The following EEF1AKMT1 variants were observed in gnomAD, a reference collection of about 807,000 sequenced individuals.
The protein encoded by EEF1AKMT1 is N-6 adenine-specific DNA methyltransferase 2 (putative).
Under a neutral mutation model 21.0 loss-of-function variants are expected in EEF1AKMT1, and 18 were observed. The ratio of observed to expected loss-of-function variants is 0.86; its 90% CI spans 0.59 to 1.27. The LOEUF (loss-of-function observed/expected upper bound fraction) is 1.27, where lower values mean the gene tolerates loss of function less well. EEF1AKMT1 is among the 50% of genes most tolerant of loss of function. EEF1AKMT1 has a pLI of 0.00. For synonymous variants in EEF1AKMT1, 109 were observed against 94.8 expected, an observed-to-expected ratio of 1.15 and a Z score of -0.87; for missense variants, 246 against 258.6, an observed-to-expected ratio of 0.95 and a Z score of 0.33.
chr13:20,765,444 A>T (rs2059025376), intron 1 of EEF1AKMT1, among the ~76,000 whole-genome samples: 5 of 71,154 alleles, frequency 7.0e-5, no homozygotes, highest in African/African-American at 1.1e-4. Flanking sequence ...ATAGAGTTTC[A>T]CTCTTTCGCC....
chr13:20,754,542 A>G (rs920551132), intron 2 of EEF1AKMT1, among the ~76,000 whole-genome samples: 4 of 152,086 alleles, frequency 2.6e-5, no homozygotes, highest in African/African-American at 9.7e-5. Context: ...TAGACTTGGG[A>G]AGTTTTCAGC....
intron 1 of EEF1AKMT1, among the ~76,000 whole-genome samples, chr13:20,771,086 G>A (rs1433039090): frequency 6.6e-6 from 1 of 151,950 alleles, no homozygotes; most frequent in Admixed American, 6.6e-5. Context: ...TGCCCAGGCT[G>A]GTCCTGAACT....
At chr13:20,750,201 C>T (rs2058933031) in intron 2 of EEF1AKMT1, among the ~76,000 whole-genome samples, 1 of 152,132 alleles carries the variant, frequency 6.6e-6, no homozygotes, top group Admixed American at 6.6e-5. Flanking sequence ...CTGTTGGGAA[C>T]ATTTCAAGTC....
chr13:20,768,231 T>A (rs893679262), intron 1 of EEF1AKMT1, among the ~76,000 whole-genome samples: 1 of 152,238 alleles, frequency 6.6e-6, no homozygotes, highest in South Asian at 2.1e-4. Flanking sequence ...TGTATTCCTA[T>A]GTAAGTATTC....
chr13:20,731,284 A>G lies in EEF1AKMT1; in HGVS notation c.508+557T>C, dbSNP rs2818986. On this transcript the variant is annotated intron_variant, in intron 4 of 4. Coordinates refer to ENST00000382758, the MANE Select transcript of EEF1AKMT1 (RefSeq NM_001318939.2). ...ACCTTGAAGTTCTCAGATTTACTCT[A>G]TTGAATTTTACCATATCTGCCTTAA... 8.4e-3 allele frequency among the ~76,000 whole-genome samples: 1,284 copies of G among 152,154 alleles called. 21 individuals carry two copies. Among genetic ancestry groups the G allele is most frequent in the African/African-American group, 0.03 (1,228 of 41,504 alleles).
At chr13:20,753,209 G>A (rs2058952613) in intron 2 of EEF1AKMT1, among the ~76,000 whole-genome samples, 1 of 152,048 alleles carries the variant, frequency 6.6e-6, no homozygotes, top group African/African-American at 2.4e-5. Context: ...TGATCATTCA[G>A]GAGCATATTT....
intron 1 of EEF1AKMT1, among the ~76,000 whole-genome samples, chr13:20,761,438 A>T (rs1195726778): frequency 6.6e-6 from 1 of 152,242 alleles, no homozygotes; most frequent in Non-Finnish European, 1.5e-5. Context: ...AGTAATCCAT[A>T]GTATGGCCAC....
intron 2 of EEF1AKMT1, among the ~76,000 whole-genome samples, chr13:20,742,698 G>A (rs59112411): frequency 0.07 from 10,706 of 152,138 alleles, 1,112 homozygotes; most frequent in African/African-American, 0.22. Context: ...AACACCTAAC[G>A]CAAGCCAAAC....
At chr13:20,731,538 A>T (rs1355553940) in intron 4 of EEF1AKMT1, among the ~76,000 whole-genome samples, 1 of 152,242 alleles carries the variant, frequency 6.6e-6, no homozygotes. Context: ...GATAAAGGGT[A>T]GAGGCTGGAT....
chr13:20,732,317 G>A (rs1287210723), intron 3 of EEF1AKMT1, among the ~76,000 whole-genome samples, 196 bp from the exon 4 acceptor site: 1 of 152,148 alleles, frequency 6.6e-6, no homozygotes, highest in Non-Finnish European at 1.5e-5. Flanking sequence ...GTACTTAAAA[G>A]TCTGTAACTT....
intron 1 of EEF1AKMT1, among the ~76,000 whole-genome samples, chr13:20,764,732 T>C (rs2059018326): frequency 6.6e-6 from 1 of 152,186 alleles, no homozygotes; most frequent in Non-Finnish European, 1.5e-5. Context: ...TCTTGATGAA[T>C]TCACTCTTTT....
intron 2 of EEF1AKMT1, among the ~76,000 whole-genome samples, chr13:20,756,629 A>G (rs1343322027): frequency 1.3e-5 from 2 of 152,186 alleles, no homozygotes; most frequent in African/African-American, 4.8e-5. Flanking sequence ...GGTCCCCAGT[A>G]AAACCCCGCC....
chr13:20,772,901 T>TA (rs2059069392), intron 1 of EEF1AKMT1, among the ~76,000 whole-genome samples: 1 of 152,158 alleles, frequency 6.6e-6, no homozygotes, highest in Non-Finnish European at 1.5e-5. Context: ...GAAATTAGGT[T>TA]AAGATAGTGT....
intron 2 of EEF1AKMT1, among the ~76,000 whole-genome samples, chr13:20,742,162 G>C (rs1384399405): frequency 6.6e-6 from 1 of 152,130 alleles, no homozygotes; most frequent in Non-Finnish European, 1.5e-5. Flanking sequence ...CCTCCAAAAA[G>C]GTTGGACCAA....
At chr13:20,739,061 G>A (rs1223965858) in intron 2 of EEF1AKMT1, among the ~76,000 whole-genome samples, 2 of 152,050 alleles carry the variant, frequency 1.3e-5, no homozygotes, top group Admixed American at 6.6e-5. Context: ...TTCCTCCTGG[G>A]GGGGTCGTGG....
intron 3 of EEF1AKMT1, among the ~76,000 whole-genome samples, chr13:20,736,733 C>CT (rs71087090): frequency 0.49 from 42,251 of 86,994 alleles, 12,938 homozygotes; most frequent in East Asian, 0.85. Flanking sequence ...AACCATTTGA[C>CT]TTTTTTTTTT....
At chr13:20,756,588 G>A (rs1415733764) in intron 2 of EEF1AKMT1, among the ~76,000 whole-genome samples, 2 of 152,178 alleles carry the variant, frequency 1.3e-5, no homozygotes, top group Non-Finnish European at 2.9e-5. Flanking sequence ...ATTATTGACA[G>A]AGGCAGACAA....
chr13:20,733,893 T>A (rs190139587), intron 3 of EEF1AKMT1, among the ~76,000 whole-genome samples: 36 of 152,364 alleles, frequency 2.4e-4, no homozygotes, highest in African/African-American at 8.7e-4. Flanking sequence ...GAGACAGTGT[T>A]ACCCGTCTTA....
chr13:20,757,695 T>C, intron 1 of EEF1AKMT1, 78 bp from the exon 2 acceptor site: 1 of 1,183,020 alleles, frequency 8.5e-7, no homozygotes, highest in South Asian at 1.8e-5. Context: ...AAAATTTTTA[T>C]TTAACAGCAA....
Sources: allele counts gnomAD v4.1 joint callset (sites outside exome capture counted in the v4.1 genomes callset), GRCh38; gene constraint gnomAD v4.1.1; transcripts MANE v1.5; gene names NCBI Gene and HGNC (gene_info 2026-07-23, HGNC 2026-07-21).